The following CELF2 variants were observed in gnomAD, a reference collection of about 807,000 sequenced individuals.
CELF2 encodes the protein CUG triplet repeat RNA-binding protein 2.
A neutral mutation model predicts 62.6 loss-of-function variants in CELF2; 8 were observed. The ratio of observed to expected loss-of-function variants is 0.13; its 90% CI spans 0.07 to 0.23. The LOEUF (loss-of-function observed/expected upper bound fraction) is 0.23, where lower values mean the gene tolerates loss of function less well. Ranked by LOEUF, CELF2 falls within the 10% of genes least tolerant of loss-of-function variation. The pLI, the probability that CELF2 is intolerant of heterozygous loss-of-function variation, is 1.00. For synonymous variants in CELF2, 258 were observed against 250.0 expected (o/e 1.03, Z -0.30); for missense variants, 333 against 671.0 (o/e 0.50, Z 5.56).
chr10:10,997,431 C>A lies in CELF2; in HGVS notation c.89+77432C>A, dbSNP rs1036587112. On this transcript the variant is annotated intron_variant, in intron 2 of 13. Coordinates refer to the CELF2 transcript ENST00000636488. The surrounding 1 kb of genome is among the most constrained non-coding windows in gnomAD (Gnocchi z 5.3). ...CATATGAATCACCATATTGGTCTCA[C>A]CTTCCAGGAAGGAAGGCTGATGCAC... Among the ~76,000 whole-genome samples, 1 of 152,204 alleles carries A rather than the reference C, an allele frequency of 6.6e-6. No homozygotes were observed. The highest frequency in any genetic ancestry group is 1.9e-4 in the East Asian group (1 of 5,196).
the CELF2 span, among the ~76,000 whole-genome samples, chr10:10,599,345 A>G: frequency 6.6e-6 from 1 of 152,170 alleles, no homozygotes; most frequent in African/African-American, 2.4e-5. Context: ...ATTCCTCCAG[A>G]TTTACTGAGA....
At chr10:11,097,903 G>T (rs2050350365) in intron 1 of CELF2, among the ~76,000 whole-genome samples, 2 of 152,288 alleles carry the variant, frequency 1.3e-5, no homozygotes, top group South Asian at 4.1e-4. Flanking sequence ...GGCCTTCTGG[G>T]GTTTAACCCA....
chr10:10,469,958 T>A, the CELF2 span, among the ~76,000 whole-genome samples: 2 of 151,858 alleles, frequency 1.3e-5, no homozygotes, highest in Non-Finnish European at 2.9e-5. Flanking sequence ...AAATCTGAAA[T>A]CCAAAATGCT....
chr10:10,721,937 T>C, the CELF2 span, among the ~76,000 whole-genome samples: 1 of 152,230 alleles, frequency 6.6e-6, no homozygotes, highest in Non-Finnish European at 1.5e-5. Context: ...ATGAAACCTA[T>C]TATGCCCATT....
chr10:11,142,899 C>T (rs1053888621), intron 1 of CELF2, among the ~76,000 whole-genome samples: 3 of 151,594 alleles, frequency 2.0e-5, no homozygotes, highest in Non-Finnish European at 4.4e-5. Flanking sequence ...CCTCGTGATT[C>T]TTCTGTCCTC....
rs1174506674 is a variant in CELF2, at chr10:10,983,801, G to A, written c.89+63802G>A. Reference sequence around the variant, plus strand: ...CAGGCTGGTCTTGAACTCCTCACAGGTGATCCACCTGCCTCAGCCTCCCAA... The same window carrying A: ...CAGGCTGGTCTTGAACTCCTCACAGATGATCCACCTGCCTCAGCCTCCCAA... On this transcript the variant is annotated intron_variant, in intron 2 of 13. Coordinates refer to the CELF2 transcript ENST00000636488. The surrounding 1 kb of genome is among the most constrained non-coding windows in gnomAD (Gnocchi z 5.2). 6.6e-6 allele frequency among the ~76,000 whole-genome samples: 1 copy of A among 152,198 alleles called. No homozygotes were observed. The highest frequency in any genetic ancestry group is 1.5e-5 in the Non-Finnish European group (1 of 68,036).
chr10:10,773,255 C>T, the CELF2 span, among the ~76,000 whole-genome samples: 1 of 152,066 alleles, frequency 6.6e-6, no homozygotes, highest in Non-Finnish European at 1.5e-5. Context: ...TATATGTGCC[C>T]GAGCATGACT....
rs2071456993 is a variant in CELF2 at position 11,075,161 on chromosome 10, T to G, written c.74+56998T>G. 1.3e-5 allele frequency: 2 copies of G among 152,412 alleles called. No individual in the cohort carries two copies. The highest frequency in any genetic ancestry group is 4.8e-5 in the African/African-American group (2 of 41,460). The allele number at this position is 152,412 out of a possible 1,614,324, so 9.4% of individuals were successfully genotyped here. ...CCTTGTCAAGTGTGGCTTGATTGTC[T>G]TCCTCTTCCTTGGCTGGCTGAGTGA... On this transcript the variant is annotated intron_variant, in intron 1 of 12. Transcript: ENST00000633077. The surrounding 1 kb of genome is among the most constrained non-coding windows in gnomAD (Gnocchi z 5.4).
the CELF2 span, among the ~76,000 whole-genome samples, chr10:10,724,795 C>A: frequency 2.0e-5 from 3 of 152,164 alleles, no homozygotes; most frequent in African/African-American, 7.2e-5. Flanking sequence ...TCCTTACCTC[C>A]TGTAAATGAT....
the CELF2 span, among the ~76,000 whole-genome samples, chr10:10,749,215 A>C: frequency 6.6e-6 from 1 of 152,218 alleles, no homozygotes; most frequent in African/African-American, 2.4e-5. Context: ...GTACTGTTAT[A>C]GAATACTCAT....
At chr10:10,672,548 A>C in the CELF2 span, among the ~76,000 whole-genome samples, 1 of 151,732 alleles carries the variant, frequency 6.6e-6, no homozygotes, top group Non-Finnish European at 1.5e-5. Context: ...ATTTGTTAAA[A>C]ATATTATGTC....
chr10:10,484,808 T>A, the CELF2 span, among the ~76,000 whole-genome samples: 1 of 152,256 alleles, frequency 6.6e-6, no homozygotes, highest in South Asian at 2.1e-4. Flanking sequence ...AATGACATTC[T>A]TAATTAGCAC....
chr10:11,291,905 T>C (rs954264249), intron 9 of CELF2, among the ~76,000 whole-genome samples: 1 of 152,240 alleles, frequency 6.6e-6, no homozygotes, highest in African/African-American at 2.4e-5. Context: ...TGAATATTTT[T>C]TGGTATTTTT....
chr10:10,593,087 T>A, the CELF2 span, among the ~76,000 whole-genome samples: 19 of 152,144 alleles, frequency 1.2e-4, no homozygotes, highest in East Asian at 2.7e-3. Context: ...GCAAGCCAGA[T>A]CCACAGCCAA....
Position 11,217,643 on chromosome 10 carries a change from C to G in CELF2, c.354+136C>G. Reference sequence around the variant, plus strand: ...AGGAGTGTGTGCTGACCCCCCAGTTCCCTGCAGCAGCCACACCAGCTGGCC... The same window carrying G: ...AGGAGTGTGTGCTGACCCCCCAGTTGCCTGCAGCAGCCACACCAGCTGGCC... On this transcript the variant is annotated intron_variant, in intron 3 of 12. Coordinates refer to ENST00000633077, the MANE Select transcript of CELF2 (RefSeq NM_001326342.2). The surrounding 1 kb of genome is among the most constrained non-coding windows in gnomAD (Gnocchi z 5.6). The G allele has an allele frequency of 3.5e-6, 2 of 573,586 alleles. No homozygotes were observed. Among genetic ancestry groups the G allele is most frequent in the Non-Finnish European group, 6.1e-6 (2 of 326,706 alleles). 35.5% of individuals were successfully genotyped at this position (573,586 alleles called of 1,614,324 possible).
chr10:10,923,736 G>A (rs1026389713), intron 2 of CELF2: 5 of 152,184 alleles, frequency 3.3e-5, no homozygotes, highest in African/African-American at 7.2e-5. Context: ...GATCTTGTTA[G>A]GATTAAAACA....
the CELF2 span, among the ~76,000 whole-genome samples, chr10:10,482,888 A>G: frequency 6.6e-6 from 1 of 152,160 alleles, no homozygotes; most frequent in Non-Finnish European, 1.5e-5. Flanking sequence ...TCACTGTTTG[A>G]TAGCTCAGAG....
chr10:10,658,630 C>A, the CELF2 span, among the ~76,000 whole-genome samples: 236 of 152,274 alleles, frequency 1.5e-3, 1 homozygote, highest in African/African-American at 5.3e-3. Flanking sequence ...TTTTTCTGCA[C>A]TTTTTTCCTA....
At chr10:10,543,822 T>C in the CELF2 span, among the ~76,000 whole-genome samples, 1 of 152,108 alleles carries the variant, frequency 6.6e-6, no homozygotes, top group Non-Finnish European at 1.5e-5. Flanking sequence ...CTTCAGAGGG[T>C]CCTACAGTCT....
Sources: allele counts gnomAD v4.1 joint callset (sites outside exome capture counted in the v4.1 genomes callset), GRCh38; gene constraint gnomAD v4.1.1; non-coding constraint Gnocchi (gnomAD v3.1); transcripts MANE v1.5; gene names NCBI Gene and HGNC (gene_info 2026-07-23, HGNC 2026-07-21).